Variants in VPS41 observed in about 807,000 individuals in gnomAD.
VPS41 encodes the protein VPS41 subunit of HOPS complex.
Under a neutral mutation model 130.9 loss-of-function variants are expected in VPS41, and 85 were observed. That is an observed-to-expected ratio of 0.65 (90% confidence interval 0.55 to 0.78). The LOEUF (loss-of-function observed/expected upper bound fraction) is 0.78. Ranked by LOEUF, VPS41 falls within the 30% of genes least tolerant of loss-of-function variation. VPS41 has a pLI of 0.00. For synonymous variants in VPS41, 335 were observed against 332.9 expected (o/e 1.01, Z -0.07); for missense variants, 874 against 1,018.7 (o/e 0.86, Z 1.93).
intron 3 of VPS41, among the ~76,000 whole-genome samples, chr7:38,865,188 G>A (rs1415867495): frequency 6.6e-6 from 1 of 152,156 alleles, no homozygotes; most frequent in African/African-American, 2.4e-5. Flanking sequence ...GGAAACAGTC[G>A]ATGAGTAGCA....
chr7:38,767,609 C>A lies in VPS41; in HGVS notation c.1186-11G>T. ...TGCCAAGCCAATATCCTAGAGAAAG[C>A]CAAATGAAGAAATGTCAAAATTTAA... On this transcript the variant is annotated splice_polypyrimidine_tract_variant and intron_variant, in intron 14 of 28. Coordinates refer to ENST00000310301, the MANE Select transcript of VPS41 (RefSeq NM_014396.4). 1 of 1,602,608 alleles carries A rather than the reference C, an allele frequency of 6.2e-7. No homozygotes were observed. The highest frequency in any genetic ancestry group is 8.5e-7 in the Non-Finnish European group (1 of 1,172,654).
At chr7:38,828,356 A>G (rs1323630309) in intron 5 of VPS41, among the ~76,000 whole-genome samples, 1 of 152,178 alleles carries the variant, frequency 6.6e-6, no homozygotes, top group African/African-American at 2.4e-5. Flanking sequence ...AACGGTGTAA[A>G]TTTTAAACAA....
intron 27 of VPS41, 108 bp downstream of exon 27, chr7:38,728,434 T>C: frequency 1.6e-6 from 2 of 1,238,238 alleles, no homozygotes; most frequent in Non-Finnish European, 2.4e-6. Flanking sequence ...ACTGGGTTAT[T>C]CTGAAAGTTA....
At chr7:38,729,375 T>C (rs2286109) in intron 25 of VPS41, among the ~76,000 whole-genome samples, 26,719 of 152,118 alleles carry the variant, frequency 0.18, 3,181 homozygotes, top group East Asian at 0.43. Context: ...TCTTTCCAAA[T>C]CTAATCCAAA....
intron 9 of VPS41, among the ~76,000 whole-genome samples, chr7:38,793,525 G>A (rs1784570897): frequency 6.6e-6 from 1 of 152,146 alleles, no homozygotes; most frequent in Non-Finnish European, 1.5e-5. Flanking sequence ...ATAGAAGCTG[G>A]ATCTTAACTT....
At chr7:38,756,625 C>T (rs1405659514) in intron 19 of VPS41, among the ~76,000 whole-genome samples, 1 of 152,202 alleles carries the variant, frequency 6.6e-6, no homozygotes, top group African/African-American at 2.4e-5. Flanking sequence ...CTTTGAATTG[C>T]TTTCACAGAA....
intron 22 of VPS41, among the ~76,000 whole-genome samples, chr7:38,749,334 T>C (rs1029279761): frequency 5.9e-5 from 9 of 152,148 alleles, no homozygotes; most frequent in African/African-American, 2.2e-4. Flanking sequence ...TAGCCAATTG[T>C]TGGCAAAGGA....
intron 4 of VPS41, among the ~76,000 whole-genome samples, chr7:38,841,194 A>G (rs1785600823): frequency 6.6e-6 from 1 of 152,244 alleles, no homozygotes. Flanking sequence ...ACTGCATCAC[A>G]GTCATTCAAC....
intron 4 of VPS41, among the ~76,000 whole-genome samples, chr7:38,830,903 G>A (rs1785374580): frequency 6.6e-6 from 1 of 152,186 alleles, no homozygotes; most frequent in Non-Finnish European, 1.5e-5. Flanking sequence ...AGAATAAACT[G>A]AAGCTCATAG....
At chr7:38,765,249 C>T (rs1459236174) in intron 16 of VPS41, among the ~76,000 whole-genome samples, 1 of 151,856 alleles carries the variant, frequency 6.6e-6, no homozygotes, top group Non-Finnish European at 1.5e-5. Flanking sequence ...TTCAGTAAAT[C>T]TAAAAAAAGT....
chr7:38,752,508 A>G (rs1783698667), intron 21 of VPS41, among the ~76,000 whole-genome samples, 195 bp from the exon 22 acceptor site: 1 of 152,162 alleles, frequency 6.6e-6, no homozygotes, highest in African/African-American at 2.4e-5. Context: ...TAATTTCTCT[A>G]GAAGGGCCCC....
At chr7:38,909,037 C>A in intron 1 of VPS41, 117 bp downstream of exon 1, 1 of 1,265,816 alleles carries the variant, frequency 7.9e-7, no homozygotes. Flanking sequence ...CTGCCGCGGA[C>A]CTGCCTTGCG....
At position 38,862,642 on chromosome 7, in the gene VPS41, G is replaced by T; in HGVS notation, c.169-20C>A. The T allele has an allele frequency of 6.6e-7, 1 of 1,521,002 alleles. No individual in the cohort carries two copies. The highest frequency in any genetic ancestry group is 9.0e-7 in the Non-Finnish European group (1 of 1,106,122). 94.2% of individuals were successfully genotyped at this position (1,521,002 alleles called of 1,614,324 possible). On this transcript the variant is annotated intron_variant, in intron 3 of 28. Transcript: ENST00000310301. ...CAAAAACTGTAAGAAGAACAAAGAG[G>T]CCAGTTAATTAATTAATAATACTAT...
Position 38,858,877 on chromosome 7 carries a change from A to G in VPS41, c.246+3668T>C, listed in dbSNP as rs184832537. ...TATTTAGAATATATTCCTCCTACTT[A>G]TAAAAAAAGAAGTTACCCATAAAAC... On this transcript the variant is annotated intron_variant, in intron 4 of 28. Transcript: ENST00000310301. Among the ~76,000 whole-genome samples, 11 of 152,298 alleles carry G rather than the reference A, an allele frequency of 7.2e-5. No homozygotes were observed. The East Asian group carries it at 2.1e-3, about 29-fold the overall frequency.
At chr7:38,809,238 A>C (rs1314319079) in intron 7 of VPS41, among the ~76,000 whole-genome samples, 1 of 151,336 alleles carries the variant, frequency 6.6e-6, no homozygotes, top group Non-Finnish European at 1.5e-5. Flanking sequence ...TAATCCTAGC[A>C]CTTTGGGAGG....
chr7:38,765,154 T>C (rs1784012433), intron 16 of VPS41, among the ~76,000 whole-genome samples: 2 of 152,178 alleles, frequency 1.3e-5, no homozygotes, highest in South Asian at 4.1e-4. Flanking sequence ...AAAAGAAACA[T>C]CAAAATTATT....
intron 4 of VPS41, among the ~76,000 whole-genome samples, chr7:38,857,729 T>C (rs1287325065): frequency 2.0e-5 from 3 of 152,124 alleles, no homozygotes; most frequent in Admixed American, 1.3e-4. Flanking sequence ...CTGAGCCAAA[T>C]GTAAGGACCA....
At chr7:38,748,185 AT>A (rs1193389862) in intron 22 of VPS41, among the ~76,000 whole-genome samples, 1 of 152,194 alleles carries the variant, frequency 6.6e-6, no homozygotes, top group Non-Finnish European at 1.5e-5. Flanking sequence ...GGAAACTAAG[AT>A]TTTTAAAGTA....
chr7:38,809,125 G>A (rs1784890699), intron 7 of VPS41, among the ~76,000 whole-genome samples: 1 of 151,962 alleles, frequency 6.6e-6, no homozygotes, highest in South Asian at 2.1e-4. Flanking sequence ...CTTGAACGTG[G>A]CAATCACTTC....
Sources: gnomAD v4.1 joint callset for allele counts (sites outside exome capture counted in the v4.1 genomes callset) on GRCh38, gnomAD v4.1.1 for gene constraint, MANE v1.5 for transcripts, NCBI Gene and HGNC (gene_info 2026-07-23, HGNC 2026-07-21) for gene names.